APBB2: variants seen among roughly 807,000 people sequenced by gnomAD.
APBB2 encodes the protein amyloid beta precursor protein binding family B member 2, also known as Fe65-like 1.
APBB2 carries 38 observed loss-of-function variants against 82.5 expected under a neutral mutation model. That is an observed-to-expected ratio of 0.46 (90% CI 0.36 to 0.60). The LOEUF (loss-of-function observed/expected upper bound fraction) is 0.60. APBB2 is among the 20% of genes least tolerant of loss of function. The pLI, the probability that APBB2 is intolerant of heterozygous loss-of-function variation, is 0.00. For missense variants in APBB2, 772 were observed against 972.3 expected (o/e 0.79, Z 2.74); for synonymous variants, 341 against 368.2 (o/e 0.93, Z 0.85).
At chr4:40,899,457 CTCCCT>C (rs576004603) in intron 10 of APBB2, among the ~76,000 whole-genome samples, 43 of 151,008 alleles carry the variant, frequency 2.8e-4, no homozygotes, top group African/African-American at 1.0e-3. Flanking sequence ...CAGAGGACCT[CTCCCT>C]AAAACATGTG....
At chr4:40,888,651 C>T (rs887703494) in intron 12 of APBB2, among the ~76,000 whole-genome samples, 1 of 149,522 alleles carries the variant, frequency 6.7e-6, no homozygotes, top group Non-Finnish European at 1.5e-5. Context: ...GCTCCTGCCT[C>T]GCACACGTAT....
chr4:41,133,134 A>G (rs969516664), intron 2 of APBB2, among the ~76,000 whole-genome samples: 76 of 152,210 alleles, frequency 5.0e-4, no homozygotes, highest in African/African-American at 1.7e-3. Flanking sequence ...CATTTTTTAT[A>G]TATATGTACA....
intron 7 of APBB2, among the ~76,000 whole-genome samples, chr4:40,940,665 G>C (rs1156715346): frequency 2.6e-5 from 4 of 152,188 alleles, no homozygotes; most frequent in Admixed American, 2.0e-4. Flanking sequence ...CACTTCATAA[G>C]AACAGGCTGA....
At chr4:41,026,805 A>T (rs1714438485) in intron 5 of APBB2, among the ~76,000 whole-genome samples, 1 of 152,176 alleles carries the variant, frequency 6.6e-6, no homozygotes, top group Non-Finnish European at 1.5e-5. Flanking sequence ...TCTTCTATGG[A>T]TATGTAAAAC....
chr4:41,184,941 C>T (rs1025210635), intron 1 of APBB2, among the ~76,000 whole-genome samples: 3 of 152,336 alleles, frequency 2.0e-5, no homozygotes, highest in East Asian at 1.9e-4. Context: ...AGGAATTGAT[C>T]GCAAATAAAC....
intron 12 of APBB2, among the ~76,000 whole-genome samples, chr4:40,875,296 A>G (rs1766602840): frequency 6.6e-6 from 1 of 152,258 alleles, no homozygotes; most frequent in African/African-American, 2.4e-5. Flanking sequence ...ACACTTGGAA[A>G]TAAGACAAAA....
chr4:40,894,276 C>A (rs111377094), intron 10 of APBB2, among the ~76,000 whole-genome samples: 2 of 150,190 alleles, frequency 1.3e-5, no homozygotes, highest in Non-Finnish European at 1.5e-5. Context: ...TGACACAGAA[C>A]GAGACTCCGT....
chr4:41,200,573 C>G (rs1776450837), intron 1 of APBB2, among the ~76,000 whole-genome samples: 1 of 152,184 alleles, frequency 6.6e-6, no homozygotes. Flanking sequence ...CGTGATTATC[C>G]TGAGCACATT....
intron 4 of APBB2, among the ~76,000 whole-genome samples, chr4:41,050,539 A>G (rs751138760): frequency 2.0e-5 from 3 of 152,212 alleles, no homozygotes; most frequent in Non-Finnish European, 2.9e-5. Context: ...CATCTTTCCT[A>G]TGTAGCCATT....
At chr4:40,841,652 G>A (rs1755844985) in intron 12 of APBB2, among the ~76,000 whole-genome samples, 1 of 151,980 alleles carries the variant, frequency 6.6e-6, no homozygotes, top group African/African-American at 2.4e-5. Context: ...TAGAGAATAT[G>A]TAATATAAGC....
At chr4:40,822,189 C>T in intron 16 of APBB2, 139 bp from the exon 17 acceptor site, 1 of 989,070 alleles carries the variant, frequency 1.0e-6, no homozygotes, top group South Asian at 1.6e-5. Context: ...AAAGGCGGAA[C>T]CTTGCCCAAA....
At chr4:41,195,489 A>T in intron 1 of APBB2, among the ~76,000 whole-genome samples, 1 of 150,178 alleles carries the variant, frequency 6.7e-6, no homozygotes, top group Non-Finnish European at 1.5e-5. Context: ...GTTCTCCACC[A>T]TTCTCCCAAA....
chr4:40,852,179 G>A (rs768657109), intron 12 of APBB2, among the ~76,000 whole-genome samples: 10 of 149,916 alleles, frequency 6.7e-5, no homozygotes, highest in Non-Finnish European at 1.3e-4. Context: ...GTGAAACCCC[G>A]TCTCTACTAA....
At chr4:40,943,433 G>A (rs1350528892) in intron 7 of APBB2, among the ~76,000 whole-genome samples, 5 of 152,232 alleles carry the variant, frequency 3.3e-5, no homozygotes, top group Non-Finnish European at 7.3e-5. Flanking sequence ...AAATAAGAAA[G>A]GGAGAGCACG....
At chr4:41,191,933 T>C (rs1325370781) in intron 1 of APBB2, among the ~76,000 whole-genome samples, 2 of 148,994 alleles carry the variant, frequency 1.3e-5, no homozygotes, top group Non-Finnish European at 3.0e-5. Context: ...AACTCAATAG[T>C]AGAAAAATAA....
At chr4:40,824,942 C>T (rs188827148) in intron 15 of APBB2, among the ~76,000 whole-genome samples, 4 of 152,272 alleles carry the variant, frequency 2.6e-5, no homozygotes, top group South Asian at 2.1e-4. Context: ...CTATTTTGGG[C>T]GTTTCATATG....
intron 2 of APBB2, among the ~76,000 whole-genome samples, chr4:41,102,495 C>G (rs758605374): frequency 1.3e-5 from 2 of 152,164 alleles, no homozygotes; most frequent in Non-Finnish European, 2.9e-5. Flanking sequence ...TTGAGTGTAA[C>G]TCGAATTTCA....
At chr4:40,910,632 C>A (rs1348813305) in intron 10 of APBB2, among the ~76,000 whole-genome samples, 1 of 152,238 alleles carries the variant, frequency 6.6e-6, no homozygotes, top group Non-Finnish European at 1.5e-5. Context: ...TGAGATCAGG[C>A]CTGTTCTGTG....
intron 4 of APBB2, among the ~76,000 whole-genome samples, chr4:41,037,802 G>A (rs1182584279): frequency 1.3e-5 from 2 of 152,088 alleles, no homozygotes; most frequent in East Asian, 3.9e-4. Context: ...GGTGGATTAC[G>A]AGGTTAAGAG....
Sources: allele counts gnomAD v4.1 joint callset (sites outside exome capture counted in the v4.1 genomes callset), GRCh38; gene constraint gnomAD v4.1.1; transcripts MANE v1.5; gene names NCBI Gene and HGNC (gene_info 2026-07-23, HGNC 2026-07-21).